The following SSX3 variants were observed in gnomAD, a reference collection of about 807,000 sequenced individuals.
SSX3 encodes protein SSX3.
SSX3 carries 6 observed loss-of-function variants against 14.8 expected under a neutral mutation model. The observed-to-expected ratio is 0.41, with a 90% CI of 0.22 to 0.80. The LOEUF (loss-of-function observed/expected upper bound fraction) is 0.80, where lower values mean the gene tolerates loss of function less well. Among genes scored for constraint, SSX3 ranks in the 30% least tolerant of loss-of-function variants. The pLI is 0.34. For synonymous variants in SSX3, 55 were observed against 52.9 expected, an observed-to-expected ratio of 1.04 and a Z score of -0.18; for missense variants, 163 against 152.2, an observed-to-expected ratio of 1.07 and a Z score of -0.37.
intron 6 of SSX3, among the ~76,000 whole-genome samples, chrX:48,349,216 C>A (rs2061251044): frequency 9.0e-6 from 1 of 111,565 alleles, no homozygotes; most frequent in South Asian, 3.7e-4. Flanking sequence ...ACAGAGAAAT[C>A]CTTCATGAAA....
chrX:48,347,389 A>C, intron 7 of SSX3, 111 bp downstream of exon 7: 2 of 1,108,586 alleles, frequency 1.8e-6, no homozygotes, highest in Non-Finnish European at 2.5e-6. Context: ...TGTACACTAG[A>C]AAATTATAAG....
rs199870397 is a variant in SSX3 at position 48,350,002 on chromosome X, T to A, written c.451A>T (p.Ile151Phe). The A allele has an allele frequency of 2.5e-6, 3 of 1,209,684 alleles. No homozygotes were observed. Among genetic ancestry groups the A allele is most frequent in the East Asian group, 3.0e-5 (1 of 33,753 alleles). ...TTCCTCTTACCAGATATCATGTTAA[T>A]CTTCTCAGAGGTAGTTGGTTTTCCC... ...PPGKPTTSEK[I>F]NMISGPKRGE... Residue 151 changes from isoleucine to phenylalanine, a missense_variant, in exon 6 of 8, where the codon ATT becomes TTT. Ile to Phe is a conservative substitution (Grantham distance 21, BLOSUM62 0). Coordinates refer to ENST00000298396, the MANE Select transcript of SSX3 (RefSeq NM_021014.4).
intron 1 of SSX3, among the ~76,000 whole-genome samples, chrX:48,356,406 C>G (rs1173233845): frequency 9.0e-6 from 1 of 110,869 alleles, no homozygotes; most frequent in African/African-American, 3.3e-5. Context: ...AAGCCACCAC[C>G]CCAGGCCCAA....
intron 2 of SSX3, 177 bp from the exon 3 acceptor site, chrX:48,354,923 C>A (rs781835583): frequency 3.8e-4 from 283 of 752,283 alleles, no homozygotes; most frequent in Admixed American, 2.0e-3. Flanking sequence ...GCCACACTGT[C>A]GGGCTTTAAT....
chrX:48,346,498 C>A lies in SSX3; in HGVS notation c.*542G>T, dbSNP rs1262883835. Reference sequence around the variant, plus strand: ...ATCGGATGAGGGGAGTACATGCTGACCAGGAAACAGAGTGAGGGAAGCCTG... The same window carrying A: ...ATCGGATGAGGGGAGTACATGCTGAACAGGAAACAGAGTGAGGGAAGCCTG... On this transcript the variant is annotated 3_prime_UTR_variant, in exon 8 of 8. Coordinates refer to ENST00000298396, the MANE Select transcript of SSX3 (RefSeq NM_021014.4). 1.7e-4 allele frequency: 38 copies of A among 227,157 alleles called. No individual in the cohort carries two copies. Among genetic ancestry groups the A allele is most frequent in the Admixed American group, 5.4e-4 (8 of 14,685 alleles). The allele number at this position is 227,157 out of a possible 1,213,427, so 18.7% of individuals were successfully genotyped here.
At chrX:48,350,253 T>A (rs2061256523) in intron 5 of SSX3, 131 bp from the exon 6 acceptor site, 32 of 993,301 alleles carry the variant, frequency 3.2e-5, no homozygotes, top group Admixed American at 5.5e-5. Flanking sequence ...TACACAGGCC[T>A]AAATTAGGAG....
chrX:48,351,423 C>T (rs1254210422), intron 5 of SSX3, among the ~76,000 whole-genome samples: 1 of 112,103 alleles, frequency 8.9e-6, no homozygotes, highest in African/African-American at 3.2e-5. Flanking sequence ...ATTCCTAAGC[C>T]ATGCAAGTGG....
intron 2 of SSX3, 139 bp from the exon 3 acceptor site, chrX:48,354,885 C>G: frequency 8.4e-7 from 1 of 1,188,235 alleles, no homozygotes. Flanking sequence ...ACTGACAGAA[C>G]ATGAGGGACC....
chrX:48,350,129 A>G lies in SSX3; in HGVS notation c.331-7T>C, dbSNP rs1556949356. On this transcript the variant is annotated splice_polypyrimidine_tract_variant and splice_region_variant and intron_variant, in intron 5 of 7. Transcript: ENST00000298396. ...CTGGCTTCTTGGGCATGATCTTTATAATGTGAAGGTCATAGATAAATAGTA... is the reference window on the plus strand; with the variant it reads ...CTGGCTTCTTGGGCATGATCTTTATGATGTGAAGGTCATAGATAAATAGTA... The G allele has an allele frequency of 2.5e-6, 3 of 1,209,423 alleles. No homozygotes were observed. The highest frequency in any genetic ancestry group is 3.4e-6 in the Non-Finnish European group (3 of 895,041).
intron 5 of SSX3, among the ~76,000 whole-genome samples, chrX:48,351,870 A>G: frequency 8.9e-6 from 1 of 112,230 alleles, no homozygotes. Flanking sequence ...AAATAAATTA[A>G]TCCATGTGAA....
At chrX:48,347,830 T>TA (rs1426229103) in intron 6 of SSX3, among the ~76,000 whole-genome samples, 14 of 112,361 alleles carry the variant, frequency 1.2e-4, no homozygotes, top group African/African-American at 3.6e-4. Context: ...TTCTCAGGCT[T>TA]AGATTCCCAA....
At chrX:48,349,259 T>C (rs1355980935) in intron 6 of SSX3, among the ~76,000 whole-genome samples, 1 of 111,709 alleles carries the variant, frequency 9.0e-6, no homozygotes, top group South Asian at 3.7e-4. Context: ...AATTTCATTG[T>C]TGTGTTCTTT....
intron 5 of SSX3, 41 bp downstream of exon 5, chrX:48,352,059 G>A: frequency 2.5e-6 from 3 of 1,192,840 alleles, no homozygotes; most frequent in Non-Finnish European, 3.4e-6. Context: ...TCCTTGGAGG[G>A]ACAAAGGTTC....
chrX:48,347,096 A>G, intron 7 of SSX3, 61 bp from the exon 8 acceptor site: 2 of 1,171,973 alleles, frequency 1.7e-6, no homozygotes, highest in Non-Finnish European at 2.3e-6. Context: ...TGACAACTCA[A>G]TCTCAACTCC....
At chrX:48,354,436 G>A (rs1345685801) in intron 3 of SSX3, among the ~76,000 whole-genome samples, 196 bp downstream of exon 3, 4 of 109,663 alleles carry the variant, frequency 3.6e-5, no homozygotes, top group African/African-American at 1.0e-4. Flanking sequence ...ATCCAGGTAT[G>A]AGCTCCACTG....
At position 48,347,028 on chromosome X, in the gene SSX3, C is replaced by A; in HGVS notation, c.*12G>T. On this transcript the variant is annotated 3_prime_UTR_variant, in exon 8 of 8. Coordinates refer to ENST00000298396, the MANE Select transcript of SSX3 (RefSeq NM_021014.4). Reference sequence around the variant, plus strand: ...TTCTCATCATGGGCATGTGTCATATCCCCAAGGCTGAGGCAAGAAGAGAGA... The same window carrying A: ...TTCTCATCATGGGCATGTGTCATATACCCAAGGCTGAGGCAAGAAGAGAGA... 8.3e-7 allele frequency: 1 copy of A among 1,198,136 alleles called. No homozygotes were observed. Among genetic ancestry groups the A allele is most frequent in the Non-Finnish European group, 1.1e-6 (1 of 895,284 alleles).
Position 48,350,021 on chromosome X carries a change from T to A in SSX3, c.432A>T (p.Lys144Asn). Residue 144 changes from lysine to asparagine, a missense_variant, in exon 6 of 8, where the codon AAA becomes AAT. Coordinates refer to ENST00000298396, the MANE Select transcript of SSX3 (RefSeq NM_021014.4). ...TGTTAATCTTCTCAGAGGTAGTTGG[T>A]TTTCCCGGGGGGCACAGCTGTTTCC... ...NDGKQLCPPGKPTTSEKINMI... is the reference protein window; with the variant it reads ...NDGKQLCPPGNPTTSEKINMI... 1.7e-6 allele frequency: 2 copies of A among 1,211,703 alleles called. No homozygotes were observed. The highest frequency in any genetic ancestry group is 2.2e-6 in the Non-Finnish European group (2 of 895,507).
intron 4 of SSX3, among the ~76,000 whole-genome samples, chrX:48,352,836 A>G (rs1556950177): frequency 1.8e-5 from 2 of 111,916 alleles, no homozygotes; most frequent in African/African-American, 6.5e-5. Flanking sequence ...CTACCCAAGA[A>G]CCTGTCTTTT....
intron 4 of SSX3, among the ~76,000 whole-genome samples, chrX:48,353,364 T>C (rs1403215363): frequency 9.0e-6 from 1 of 111,230 alleles, no homozygotes; most frequent in Admixed American, 9.6e-5. Flanking sequence ...TAGCTCACAC[T>C]TGTAATCCCA....
Sources: gnomAD v4.1 joint callset for allele counts (sites outside exome capture counted in the v4.1 genomes callset) on GRCh38, gnomAD v4.1.1 for gene constraint, MANE v1.5 for transcripts, NCBI Gene and HGNC (gene_info 2026-07-23, HGNC 2026-07-21) for gene names.